The following CDH12 variants were observed in gnomAD, a reference collection of about 807,000 sequenced individuals.
The protein encoded by CDH12 is cadherin-12.
In CDH12, 41 loss-of-function variants were observed where a neutral mutation model predicts 74.1. The ratio of observed to expected loss-of-function variants is 0.55; its 90% CI spans 0.43 to 0.72. The LOEUF (loss-of-function observed/expected upper bound fraction) is 0.72, where lower values mean the gene tolerates loss of function less well. Ranked by LOEUF, CDH12 falls within the 30% of genes least tolerant of loss-of-function variation. The pLI is 0.00. For missense variants in CDH12, 945 were observed against 977.2 expected, an observed-to-expected ratio of 0.97 and a Z score of 0.44; for synonymous variants, 399 against 355.0, an observed-to-expected ratio of 1.12 and a Z score of -1.39.
intron 4 of CDH12, among the ~76,000 whole-genome samples, chr5:22,124,608 C>T (rs1400995313): frequency 6.6e-6 from 1 of 152,172 alleles, no homozygotes. Context: ...TCCTTCAGTG[C>T]CTTTTTCCTC....
At chr5:22,638,879 T>A (rs1738977240) in intron 1 of CDH12, 1 of 150,242 alleles carries the variant, frequency 6.7e-6, no homozygotes, top group South Asian at 2.1e-4. Flanking sequence ...TGAAACCCCG[T>A]CTCTATTAAA....
chr5:22,644,598 G>A (rs1408102945), intron 1 of CDH12, among the ~76,000 whole-genome samples: 2 of 152,114 alleles, frequency 1.3e-5, no homozygotes, highest in East Asian at 3.9e-4. Context: ...TAACATGAAA[G>A]TGCAAGATAA....
chr5:21,985,087 C>T (rs966654115), intron 5 of CDH12, among the ~76,000 whole-genome samples: 3 of 152,120 alleles, frequency 2.0e-5, no homozygotes, highest in African/African-American at 7.2e-5. Flanking sequence ...CACGAAGCCC[C>T]ATAAGTTTCA....
chr5:22,015,603 G>T (rs1226946391), intron 5 of CDH12, among the ~76,000 whole-genome samples: 1 of 152,070 alleles, frequency 6.6e-6, no homozygotes, highest in Non-Finnish European at 1.5e-5. Context: ...CATGTCCTTT[G>T]TTATATCATC....
chr5:21,903,125 TTAAA>T (rs1753476168), intron 6 of CDH12, among the ~76,000 whole-genome samples: 1 of 151,778 alleles, frequency 6.6e-6, no homozygotes, highest in African/African-American at 2.4e-5. Flanking sequence ...ATAAATACAA[TTAAA>T]TAAATAAAAA....
intron 6 of CDH12, among the ~76,000 whole-genome samples, chr5:21,889,175 G>A (rs1374796562): frequency 6.6e-6 from 1 of 151,900 alleles, no homozygotes; most frequent in Non-Finnish European, 1.5e-5. Flanking sequence ...GTTTCAATAA[G>A]GGAATGAGAA....
intron 1 of CDH12, among the ~76,000 whole-genome samples, chr5:22,778,786 T>G (rs1747238132): frequency 6.6e-6 from 1 of 152,122 alleles, no homozygotes; most frequent in Non-Finnish European, 1.5e-5. Flanking sequence ...ATAGTTTTCT[T>G]AAAAAGAATG....
chr5:21,971,588 T>C (rs1000947463), intron 6 of CDH12, among the ~76,000 whole-genome samples: 24 of 152,118 alleles, frequency 1.6e-4, no homozygotes, highest in Non-Finnish European at 2.9e-4. Context: ...CAGGGGAAGA[T>C]AATACAAGTT....
chr5:22,044,469 C>G (rs1474554838), intron 5 of CDH12, among the ~76,000 whole-genome samples: 1 of 152,052 alleles, frequency 6.6e-6, no homozygotes, highest in Non-Finnish European at 1.5e-5. Context: ...CACTTTTAAA[C>G]CATTAGATAG....
chr5:22,710,459 G>A lies in CDH12; in HGVS notation c.-523+142599C>T, dbSNP rs560901379. ...TAGACAGTAATGGCTGTTGACAACCGAGGTACACAATAATTTTTAGAATGA... is the reference window on the plus strand; with the variant it reads ...TAGACAGTAATGGCTGTTGACAACCAAGGTACACAATAATTTTTAGAATGA... On this transcript the variant is annotated intron_variant, in intron 1 of 14. Coordinates refer to ENST00000382254, the MANE Select transcript of CDH12 (RefSeq NM_004061.5). 7.9e-5 allele frequency among the ~76,000 whole-genome samples: 12 copies of A among 152,200 alleles called. No individual in the cohort carries two copies. The South Asian group carries it at 2.5e-3, about 32-fold the overall frequency.
rs374310365 is a variant in CDH12, at chr5:22,720,193, G to T, written c.-523+132865C>A. Among the ~76,000 whole-genome samples, 7 of 152,042 alleles carry T rather than the reference G, an allele frequency of 4.6e-5. No homozygotes were observed. In the East Asian group the frequency reaches 5.8e-4, roughly 13 times the overall value. ...CCGGTGGGAGGTGATTGAATCGTGG[G>T]GGGCAGTTTCCTTTTTGTGATAGTA... is the stretch of plus-strand genomic sequence containing the variant. On this transcript the variant is annotated intron_variant, in intron 1 of 14. Transcript: ENST00000382254.
chr5:22,111,906 A>T (rs1289181266), intron 4 of CDH12, among the ~76,000 whole-genome samples: 1 of 152,186 alleles, frequency 6.6e-6, no homozygotes, highest in Non-Finnish European at 1.5e-5. Flanking sequence ...TGTCTATATT[A>T]CATGTATTTC....
intron 1 of CDH12, among the ~76,000 whole-genome samples, chr5:22,770,468 AT>A (rs929736805): frequency 2.6e-5 from 4 of 152,148 alleles, no homozygotes; most frequent in African/African-American, 4.8e-5. Flanking sequence ...AACCATAAAA[AT>A]TCAAATAAAG....
intron 1 of CDH12, among the ~76,000 whole-genome samples, chr5:22,734,348 TA>T (rs200150686): frequency 1.7e-4 from 26 of 151,578 alleles, no homozygotes; most frequent in Middle Eastern, 3.4e-3. Context: ...AACAACATAA[TA>T]AAAAAAATGC....
chr5:22,283,507 A>G (rs1206267116), intron 3 of CDH12, among the ~76,000 whole-genome samples: 1 of 151,942 alleles, frequency 6.6e-6, no homozygotes, highest in Non-Finnish European at 1.5e-5. Flanking sequence ...GATAACTGAC[A>G]TAAGAACAGA....
At chr5:22,810,368 T>C (rs1241495748) in intron 1 of CDH12, among the ~76,000 whole-genome samples, 1 of 152,182 alleles carries the variant, frequency 6.6e-6, no homozygotes, top group East Asian at 1.9e-4. Flanking sequence ...TGTAGAAATG[T>C]GTTGGGTTTG....
chr5:21,847,597 C>T (rs976490062), intron 7 of CDH12, among the ~76,000 whole-genome samples: 1 of 152,158 alleles, frequency 6.6e-6, no homozygotes, highest in East Asian at 1.9e-4. Flanking sequence ...CCTTCTGCTT[C>T]CTTCTTCTGC....
At chr5:22,574,355 G>A (rs938578820) in intron 1 of CDH12, among the ~76,000 whole-genome samples, 10 of 151,784 alleles carry the variant, frequency 6.6e-5, no homozygotes, top group African/African-American at 1.9e-4. Context: ...ATTCATCACC[G>A]TCTTCAATTT....
chr5:21,934,711 G>C (rs556084096), intron 6 of CDH12, among the ~76,000 whole-genome samples: 5 of 152,238 alleles, frequency 3.3e-5, no homozygotes, highest in African/African-American at 1.2e-4. Flanking sequence ...GGTTTCTGGT[G>C]GGGAGAAAGG....
Sources: allele counts gnomAD v4.1 joint callset (sites outside exome capture counted in the v4.1 genomes callset), GRCh38; gene constraint gnomAD v4.1.1; transcripts MANE v1.5; gene names NCBI Gene and HGNC (gene_info 2026-07-23, HGNC 2026-07-21).